The following SNRPB2 variants were observed in gnomAD, a reference collection of about 807,000 sequenced individuals.
SNRPB2 encodes small nuclear ribonucleoprotein polypeptide B2.
In SNRPB2, 16 loss-of-function variants were observed where a neutral mutation model predicts 26.3. The observed-to-expected ratio is 0.61, with a 90% CI of 0.41 to 0.92. SNRPB2 has a LOEUF of 0.92. SNRPB2 is among the 40% of genes least tolerant of loss of function. SNRPB2 has a pLI of 0.00. For missense variants in SNRPB2, 179 were observed against 268.1 expected (o/e 0.67, Z 2.32); for synonymous variants, 75 against 89.0 (o/e 0.84, Z 0.88).
intron 4 of SNRPB2, among the ~76,000 whole-genome samples, chr20:16,738,176 C>CA (rs2072440429): frequency 6.6e-6 from 1 of 151,878 alleles, no homozygotes; most frequent in South Asian, 2.1e-4. Context: ...CATGGTGGCT[C>CA]ATGCCTATAA....
intron 6 of SNRPB2, among the ~76,000 whole-genome samples, 162 bp downstream of exon 6, chr20:16,740,575 A>G (rs1224504314): frequency 6.6e-6 from 1 of 152,220 alleles, no homozygotes; most frequent in Non-Finnish European, 1.5e-5. Context: ...CGATTTAGCA[A>G]ATACAAAGCT....
At chr20:16,737,497 T>C (rs1002855520) in intron 4 of SNRPB2, 96 bp downstream of exon 4, 1 of 1,145,312 alleles carries the variant, frequency 8.7e-7, no homozygotes, top group Non-Finnish European at 1.2e-6. Flanking sequence ...CTTGTCTGTA[T>C]ATGTGCATAA....
chr20:16,741,024 T>G lies in SNRPB2; in HGVS notation c.*19T>G. 1 of 1,564,602 alleles carries G rather than the reference T, an allele frequency of 6.4e-7. No individual in the cohort carries two copies. Among genetic ancestry groups the G allele is most frequent in the Non-Finnish European group, 8.8e-7 (1 of 1,142,024 alleles). ...GAAATAACATTTGGGATAGTCGTCTTTAAAAGACTTGGTGTTATTTACAGT... is the reference window on the plus strand; with the variant it reads ...GAAATAACATTTGGGATAGTCGTCTGTAAAAGACTTGGTGTTATTTACAGT... On this transcript the variant is annotated 3_prime_UTR_variant, in exon 7 of 7. Transcript: ENST00000246071.
intron 3 of SNRPB2, chr20:16,732,553 A>T: frequency 2.8e-6 from 1 of 359,654 alleles, no homozygotes; most frequent in Non-Finnish European, 4.9e-6. Flanking sequence ...AGAATATTTT[A>T]AAAAATAATG....
rs377509976 is a variant in SNRPB2 at position 16,742,422 on chromosome 20, G to C, written c.*1417G>C. The C allele has an allele frequency of 6.6e-6, 1 of 152,122 alleles. No homozygotes were observed. Among genetic ancestry groups the C allele is most frequent in the Admixed American group, 6.5e-5 (1 of 15,272 alleles). The allele number at this position is 152,122 out of a possible 1,614,324, so 9.4% of individuals were successfully genotyped here. On this transcript the variant is annotated 3_prime_UTR_variant, in exon 7 of 7. Transcript: ENST00000246071. The stretch of plus-strand genomic sequence containing the variant: ...GGTGGCTCACCTGGGGTGAGAATGA[G>C]GGGGGTGAATAGTAAGAGGGGTCGT...
At chr20:16,736,094 A>G (rs2122502929) in intron 3 of SNRPB2, among the ~76,000 whole-genome samples, 2 of 152,360 alleles carry the variant, frequency 1.3e-5, no homozygotes, top group East Asian at 3.9e-4. Context: ...TAAACAAACC[A>G]AGTATCCTTC....
At chr20:16,733,674 C>T (rs2072407641) in intron 3 of SNRPB2, among the ~76,000 whole-genome samples, 1 of 152,208 alleles carries the variant, frequency 6.6e-6, no homozygotes, top group Non-Finnish European at 1.5e-5. Context: ...GCAGGAAGAG[C>T]AGTCCCAGAT....
At position 16,740,913 on chromosome 20, in the gene SNRPB2, A is replaced by C. The variant is rs1568755850; in HGVS notation, c.586A>C (p.Asn196His). Residue 196 changes from asparagine (N) to histidine (H), a missense_variant, in exon 7 of 7, where the codon AAT becomes CAT. Around this residue, in one of 2 missense-constraint regions of SNRPB2, gnomAD observed 34 missense variants for 87.4 expected, o/e 0.39. Transcript: ENST00000246071. ...TGACATTGCTTTTGTTGAATTTGAA[A>C]ATGATGGGCAGGCTGGAGCTGCCAG... ...RHDIAFVEFE[N>H]DGQAGAARDA... 2 of 1,612,350 alleles carry C rather than the reference A, an allele frequency of 1.2e-6. No homozygotes were observed. Among genetic ancestry groups the C allele is most frequent in the Non-Finnish European group, 8.5e-7 (1 of 1,178,404 alleles).
intron 6 of SNRPB2, 64 bp downstream of exon 6, chr20:16,740,477 TGG>T: frequency 1.3e-6 from 2 of 1,590,066 alleles, no homozygotes; most frequent in Non-Finnish European, 1.7e-6. Flanking sequence ...AGTACTTCCG[TGG>T]GTTGAATCCA....
chr20:16,739,664 C>T (rs1193850600), intron 5 of SNRPB2, among the ~76,000 whole-genome samples: 3 of 152,112 alleles, frequency 2.0e-5, no homozygotes, highest in African/African-American at 7.2e-5. Context: ...TTTATACTTG[C>T]TCTTTTCTCT....
intron 3 of SNRPB2, among the ~76,000 whole-genome samples, chr20:16,736,663 T>TA (rs1461664119): frequency 2.0e-5 from 3 of 152,164 alleles, no homozygotes; most frequent in African/African-American, 7.2e-5. Context: ...TTCTTTATTT[T>TA]TCACCAGCTC....
chr20:16,732,401 G>A, intron 3 of SNRPB2, 65 bp downstream of exon 3: 2 of 840,428 alleles, frequency 2.4e-6, no homozygotes, highest in Non-Finnish European at 3.8e-6. Flanking sequence ...CAGTAGATTT[G>A]TAAATATGCT....
In SNRPB2 at chr20:16,731,668, ATTT is replaced by A; in HGVS notation, c.-31_-29del. The A allele has an allele frequency of 6.2e-7, 1 of 1,609,138 alleles. No individual in the cohort carries two copies. Among genetic ancestry groups the A allele is most frequent in the Non-Finnish European group, 8.5e-7 (1 of 1,177,166 alleles). The stretch of plus-strand genomic sequence containing the variant: ...ATTTACTCCTTCCTTTTTATAACAG[ATTT>A]TTTACTGTCTCCTGAAGAATTTAAC... On this transcript the variant is annotated splice_region_variant and 5_prime_UTR_variant, in exon 2 of 7. Coordinates refer to ENST00000246071, the MANE Select transcript of SNRPB2 (RefSeq NM_003092.5).
chr20:16,730,495 C>T (rs7360876), intron 1 of SNRPB2: 2 of 152,266 alleles, frequency 1.3e-5, no homozygotes, highest in Non-Finnish European at 2.9e-5. Context: ...AGAGCCTCCC[C>T]TTTGTCCCCC....
Position 16,737,353 on chromosome 20 carries a change from C to G in SNRPB2, c.330C>G (p.Ala110=). 6.2e-7 allele frequency: 1 copy of G among 1,606,400 alleles called. No individual in the cohort carries two copies. The highest frequency in any genetic ancestry group is 8.5e-7 in the Non-Finnish European group (1 of 1,178,046). Residue 110 remains alanine (A), a synonymous_variant, in exon 4 of 7, where the codon GCC becomes GCG. Coordinates refer to ENST00000246071, the MANE Select transcript of SNRPB2 (RefSeq NM_003092.5). ...AAAAGAAAAAAGAAAAGAAAAAAGC[C>G]AAAACTGTGGAACAGACTGCAACAA... ...DKEKKKEKKK[A]KTVEQTATTT...
chr20:16,733,355 C>A (rs919398229), intron 3 of SNRPB2, among the ~76,000 whole-genome samples: 1 of 152,210 alleles, frequency 6.6e-6, no homozygotes, highest in African/African-American at 2.4e-5. Context: ...TAAGAAAATT[C>A]ATGTAGGCCA....
In SNRPB2 at chr20:16,741,555, G is replaced by A. The variant is rs1449824085; in HGVS notation, c.*550G>A. 7 of 152,162 alleles carry A rather than the reference G, an allele frequency of 4.6e-5. No homozygotes were observed. The highest frequency in any genetic ancestry group is 1.9e-4 in the East Asian group (1 of 5,190). The allele number at this position is 152,162 out of a possible 1,614,324, so 9.4% of individuals were successfully genotyped here. A position where few individuals can be genotyped will look rare whatever the true frequency, so the allele number is the denominator to read the frequency against. ...GGATTCCACAAGTTTTCTTCATTCA[G>A]TATTAAATAAAGGCTGTTCTTACTG... On this transcript the variant is annotated 3_prime_UTR_variant, in exon 7 of 7. Transcript: ENST00000246071.
At position 16,741,531 on chromosome 20, in the gene SNRPB2, G is replaced by C. The variant is rs1320784078; in HGVS notation, c.*526G>C. On this transcript the variant is annotated 3_prime_UTR_variant, in exon 7 of 7. Transcript: ENST00000246071. ...AATATATTATTTTGCTGCTAGTAGG[G>C]ATTCCACAAGTTTTCTTCATTCAGT... is the stretch of plus-strand genomic sequence containing the variant. 2 of 152,146 alleles carry C rather than the reference G, an allele frequency of 1.3e-5. No homozygotes were observed. Among genetic ancestry groups the C allele is most frequent in the Non-Finnish European group, 2.9e-5 (2 of 68,024 alleles). The allele number at this position is 152,146 out of a possible 1,614,324, so 9.4% of individuals were successfully genotyped here.
intron 1 of SNRPB2, chr20:16,730,776 A>G (rs2072384613): frequency 6.6e-6 from 1 of 152,274 alleles, no homozygotes; most frequent in Non-Finnish European, 1.5e-5. Flanking sequence ...ACAATTTGCA[A>G]GTAAAAACCA....
Sources: allele counts gnomAD v4.1 joint callset (sites outside exome capture counted in the v4.1 genomes callset), GRCh38; gene constraint gnomAD v4.1.1; regional missense constraint gnomAD v4.1.1; transcripts MANE v1.5; gene names NCBI Gene and HGNC (gene_info 2026-07-23, HGNC 2026-07-21).